Variants in MRPL48 observed in about 807,000 individuals in gnomAD.
MRPL48 encodes mitochondrial ribosomal protein L48.
In MRPL48, 16 loss-of-function variants were observed where a neutral mutation model predicts 32.9. The observed-to-expected ratio is 0.49, with a 90% CI of 0.33 to 0.74. MRPL48 has a LOEUF of 0.74. Ranked by LOEUF, MRPL48 falls within the 30% of genes least tolerant of loss-of-function variation. MRPL48 has a pLI of 0.02. For missense variants in MRPL48, 206 were observed against 245.3 expected (o/e 0.84, Z 1.07); for synonymous variants, 94 against 89.2 (o/e 1.05, Z -0.31).
At chr11:73,813,813 G>A (rs994692043) in intron 3 of MRPL48, among the ~76,000 whole-genome samples, 4 of 151,586 alleles carry the variant, frequency 2.6e-5, no homozygotes, top group African/African-American at 4.8e-5. Context: ...AGGCCGAGGC[G>A]GGTGGATCAC....
intron 3 of MRPL48, among the ~76,000 whole-genome samples, chr11:73,812,045 C>T (rs1947576108): frequency 1.3e-5 from 2 of 152,120 alleles, no homozygotes; most frequent in East Asian, 1.9e-4. Context: ...GCCACCACGC[C>T]CCACTCATTT....
Position 73,805,769 on chromosome 11 carries a change from C to T in MRPL48, c.74+690C>T, listed in dbSNP as rs1473126233. ...GACCTCCCATGCTCAAGTGGTTCTT[C>T]TACCTCAGCCTCCCAAGTAGCTGGG... On this transcript the variant is annotated intron_variant, in intron 2 of 7. Coordinates refer to ENST00000310614, the MANE Select transcript of MRPL48 (RefSeq NM_016055.6). Among the ~76,000 whole-genome samples, 3 of 149,746 alleles carry T rather than the reference C, an allele frequency of 2.0e-5. No homozygotes were observed. In the East Asian group the frequency reaches 5.9e-4, roughly 30 times the overall value.
intron 4 of MRPL48, chr11:73,843,469 C>G (rs1289460883): frequency 1.1e-4 from 16 of 151,984 alleles, no homozygotes; most frequent in African/African-American, 3.4e-4. Context: ...CGTGATCCAT[C>G]CAACTCAGCC....
intron 3 of MRPL48, among the ~76,000 whole-genome samples, chr11:73,813,723 G>T (rs1439020255): frequency 5.3e-5 from 8 of 151,858 alleles, no homozygotes; most frequent in Non-Finnish European, 1.5e-5. Flanking sequence ...TGCTTAAAAA[G>T]GTCTTTTCTA....
At chr11:73,792,176 A>G (rs948570861) in intron 1 of MRPL48, among the ~76,000 whole-genome samples, 1 of 152,240 alleles carries the variant, frequency 6.6e-6, no homozygotes, top group African/African-American at 2.4e-5. Context: ...TAAGGCATTC[A>G]TGCTGATATT....
intron 1 of MRPL48, among the ~76,000 whole-genome samples, chr11:73,804,717 T>C (rs1947419411): frequency 6.6e-6 from 1 of 152,230 alleles, no homozygotes; most frequent in Non-Finnish European, 1.5e-5. Context: ...ATGCTGTGCA[T>C]GGCAGATGCA....
chr11:73,861,357 TG>T (rs1948581447), intron 6 of MRPL48, among the ~76,000 whole-genome samples: 1 of 151,094 alleles, frequency 6.6e-6, no homozygotes, highest in Non-Finnish European at 1.5e-5. Context: ...GGAGCTAGTT[TG>T]TTTTTTTTTG....
At chr11:73,804,243 G>A (rs929561055) in intron 1 of MRPL48, among the ~76,000 whole-genome samples, 2 of 150,990 alleles carry the variant, frequency 1.3e-5, no homozygotes, top group African/African-American at 4.9e-5. Flanking sequence ...GAGAGACAGT[G>A]TACTATAATA....
chr11:73,836,001 T>A (rs1320000198), intron 4 of MRPL48, among the ~76,000 whole-genome samples: 2 of 152,166 alleles, frequency 1.3e-5, no homozygotes, highest in African/African-American at 4.8e-5. Context: ...TGGCGCGATC[T>A]TGGCTCACTG....
chr11:73,836,821 G>T lies in MRPL48; in HGVS notation c.202-7986G>T, dbSNP rs140586806. 2.8e-3 allele frequency among the ~76,000 whole-genome samples: 421 copies of T among 152,274 alleles called. 3 individuals are homozygous for T. Among genetic ancestry groups the T allele is most frequent in the African/African-American group, 9.6e-3 (399 of 41,550 alleles). ...AGCTGTTACAGATGAGGAAACTGAG[G>T]CCTAGAAAGGTCACACAGTGTCATG... On this transcript the variant is annotated intron_variant, in intron 4 of 7. Coordinates refer to ENST00000310614, the MANE Select transcript of MRPL48 (RefSeq NM_016055.6).
At chr11:73,809,235 A>AGGGGC (rs1565407458) in intron 3 of MRPL48, among the ~76,000 whole-genome samples, 1 of 102,644 alleles carries the variant, frequency 9.7e-6, no homozygotes, top group Non-Finnish European at 1.9e-5. Context: ...GTGCTTGGCC[A>AGGGGC]GGTGCCTCAC....
chr11:73,807,272 A>T (rs761893106), intron 2 of MRPL48, among the ~76,000 whole-genome samples: 3 of 152,140 alleles, frequency 2.0e-5, no homozygotes, highest in African/African-American at 4.8e-5. Context: ...CAGCCACAGG[A>T]TATAAAATAA....
At chr11:73,796,199 G>C (rs972200284) in intron 1 of MRPL48, among the ~76,000 whole-genome samples, 4 of 152,198 alleles carry the variant, frequency 2.6e-5, no homozygotes, top group Non-Finnish European at 5.9e-5. Context: ...CAGGAGCTCC[G>C]CTCTTCCGAG....
intron 6 of MRPL48, among the ~76,000 whole-genome samples, chr11:73,862,429 A>C (rs1261224716): frequency 6.6e-6 from 1 of 151,536 alleles, no homozygotes; most frequent in Non-Finnish European, 1.5e-5. Flanking sequence ...TCTCAAAAAC[A>C]AAACAAAACA....
chr11:73,802,060 T>C (rs1307018752), intron 1 of MRPL48: 1 of 152,192 alleles, frequency 6.6e-6, no homozygotes, highest in Non-Finnish European at 1.5e-5. Context: ...TATATATCCT[T>C]GCTTATATGC....
intron 5 of MRPL48, among the ~76,000 whole-genome samples, chr11:73,852,237 G>T (rs370085426): frequency 4.3e-4 from 65 of 152,094 alleles, no homozygotes; most frequent in African/African-American, 1.5e-3. Flanking sequence ...TGACAATTAG[G>T]CTGTTCACTG....
chr11:73,856,893 CAAAAAAT>C (rs1439144242), intron 5 of MRPL48, among the ~76,000 whole-genome samples: 1 of 151,260 alleles, frequency 6.6e-6, no homozygotes, highest in Non-Finnish European at 1.5e-5. Flanking sequence ...ATAGTGTAGA[CAAAAAAT>C]AAAAAATAAA....
chr11:73,836,179 C>T (rs1948098999), intron 4 of MRPL48, among the ~76,000 whole-genome samples: 1 of 151,970 alleles, frequency 6.6e-6, no homozygotes, highest in African/African-American at 2.4e-5. Flanking sequence ...AGTGCAGTGG[C>T]ACCATCTCGG....
chr11:73,833,617 A>G (rs1455960274), intron 4 of MRPL48, among the ~76,000 whole-genome samples: 8 of 152,138 alleles, frequency 5.3e-5, no homozygotes, highest in Non-Finnish European at 1.2e-4. Context: ...TCCTCCTATC[A>G]GCTTTACTTG....
Sources: gnomAD v4.1 joint callset for allele counts (sites outside exome capture counted in the v4.1 genomes callset) on GRCh38, gnomAD v4.1.1 for gene constraint, MANE v1.5 for transcripts, NCBI Gene and HGNC (gene_info 2026-07-23, HGNC 2026-07-21) for gene names.